Variants in ZNF331 observed in about 807,000 individuals in gnomAD.
The protein encoded by ZNF331 is zinc finger protein 331.
A neutral mutation model predicts 7.0 loss-of-function variants in ZNF331; 2 were observed. The observed-to-expected ratio is 0.29, with a 90% CI of 0.12 to 0.90. The LOEUF is 0.90. ZNF331 is among the 40% of genes least tolerant of loss of function. The pLI is 0.58. For synonymous variants in ZNF331, 196 were observed against 205.4 expected (o/e 0.95, Z 0.39); for missense variants, 432 against 587.7 (o/e 0.74, Z 2.74).
intron 3 of ZNF331, among the ~76,000 whole-genome samples, chr19:53,564,456 T>C (rs1016871434): frequency 1.3e-5 from 2 of 151,916 alleles, no homozygotes; most frequent in Non-Finnish European, 2.9e-5. Flanking sequence ...ATTTTTGTGT[T>C]TTTAGTAGAG....
rs2089790002 is a variant in ZNF331, at chr19:53,560,198, C to T, written c.-74+4290C>T. Among the ~76,000 whole-genome samples, 1 of 150,754 alleles carries T rather than the reference C, an allele frequency of 6.6e-6. No homozygotes were observed. Among genetic ancestry groups the T allele is most frequent in the African/African-American group, 2.4e-5 (1 of 41,180 alleles). On this transcript the variant is annotated intron_variant, in intron 3 of 5. Coordinates refer to ENST00000449416, the MANE Select transcript of ZNF331 (RefSeq NM_001079906.2). The surrounding 1 kb of genome is among the most constrained non-coding windows in gnomAD (Gnocchi z 4.3). ...CACACACCATACACACACATATATA[C>T]ACACACCATATATATACACACATAT...
chr19:53,529,668 AT>A (rs1239284379), intron 2 of ZNF331, among the ~76,000 whole-genome samples: 1 of 149,998 alleles, frequency 6.7e-6, no homozygotes, highest in Non-Finnish European at 1.5e-5. Context: ...TGTCCTTCAG[AT>A]AAATTTTGAA....
chr19:53,568,052 C>A (rs1047170507), intron 3 of ZNF331, among the ~76,000 whole-genome samples: 1 of 151,970 alleles, frequency 6.6e-6, no homozygotes, highest in Non-Finnish European at 1.5e-5. Flanking sequence ...AGTTTGAGAC[C>A]AGCCTGGCCA....
At chr19:53,527,034 C>T (rs946830011) in intron 2 of ZNF331, among the ~76,000 whole-genome samples, 1 of 151,646 alleles carries the variant, frequency 6.6e-6, no homozygotes, top group Non-Finnish European at 1.5e-5. Flanking sequence ...ACTAAAAATA[C>T]AAAAATTAGC....
chr19:53,506,437 T>C, the ZNF331 span, among the ~76,000 whole-genome samples: 1 of 70,954 alleles, frequency 1.4e-5, no homozygotes, highest in African/African-American at 5.0e-5. Flanking sequence ...TCTCTCTCTC[T>C]CTCTCTGTCT....
At chr19:53,548,555 C>A (rs1005417538) in intron 2 of ZNF331, among the ~76,000 whole-genome samples, 1 of 152,220 alleles carries the variant, frequency 6.6e-6, no homozygotes, top group South Asian at 2.1e-4. Context: ...CCATGCCAAG[C>A]CCTATTTTGG....
chr19:53,519,605 C>A (rs371615549), upstream of ZNF331, among the ~76,000 whole-genome samples: 169 of 152,306 alleles, frequency 1.1e-3, no homozygotes, highest in African/African-American at 3.8e-3. Flanking sequence ...AATATCCTGC[C>A]GGGCAGCAAG....
the ZNF331 span, chr19:53,512,037 GTCTT>G: frequency 2.0e-5 from 3 of 152,378 alleles, no homozygotes; most frequent in African/African-American, 7.2e-5. Context: ...GAAGGGGCAG[GTCTT>G]TCTTCTGACT....
chr19:53,503,237 C>T, the ZNF331 span, among the ~76,000 whole-genome samples: 5 of 152,100 alleles, frequency 3.3e-5, no homozygotes, highest in African/African-American at 7.2e-5. Flanking sequence ...GGCGGGATCT[C>T]GGCTCGCTGC....
rs751063896 is a variant in ZNF331 at position 53,577,066 on chromosome 19, G to A, written c.506G>A (p.Arg169His). 10 of 1,613,924 alleles carry A rather than the reference G, an allele frequency of 6.2e-6. No individual in the cohort carries two copies. The highest frequency in any genetic ancestry group is 8.5e-6 in the Non-Finnish European group (10 of 1,180,018). ...YECKECKKAF[R>H]WGNQLTQHQK... ...TGTAAAGAATGTAAGAAGGCCTTCC[G>A]TTGGGGCAATCAGCTTACTCAACAT... Residue 169 changes from arginine (R) to histidine (H), a missense_variant, in exon 6 of 6, where the codon CGT (arginine) becomes CAT (histidine). By Grantham distance (29) the Arg-to-His change is conservative (BLOSUM62 0). Coordinates refer to ENST00000449416, the MANE Select transcript of ZNF331 (RefSeq NM_001079906.2).
Position 53,531,107 on chromosome 19 carries a change from T to G in ZNF331, c.-204-8109T>G, listed in dbSNP as rs865773809. On this transcript the variant is annotated intron_variant, in intron 2 of 6. Transcript: ENST00000253144. ...CTAGAAAGACCCTAGCTTCTCAGTCTTATCCTCCTCTTTCCCCTAAACCAA... is the reference window on the plus strand; with the variant it reads ...CTAGAAAGACCCTAGCTTCTCAGTCGTATCCTCCTCTTTCCCCTAAACCAA... 7.2e-5 allele frequency among the ~76,000 whole-genome samples: 11 copies of G among 152,274 alleles called. No individual in the cohort carries two copies. In the South Asian group the frequency reaches 1.7e-3, roughly 23 times the overall value.
At chr19:53,563,846 G>A (rs2090015872) in intron 3 of ZNF331, 1 of 151,758 alleles carries the variant, frequency 6.6e-6, no homozygotes, top group Non-Finnish European at 1.5e-5. Flanking sequence ...AGAGCTGCCA[G>A]GTGCGGTGGC....
rs1172616524 is a variant in ZNF331 at position 53,578,519 on chromosome 19, G to A, written c.*567G>A. ...CAATTGTTCTATTTTGTTAGTTACTGTTGGTAATCTCTTACTGTGCCTAAT... is the reference window on the plus strand; with the variant it reads ...CAATTGTTCTATTTTGTTAGTTACTATTGGTAATCTCTTACTGTGCCTAAT... On this transcript the variant is annotated 3_prime_UTR_variant, in exon 6 of 6. Coordinates refer to ENST00000449416, the MANE Select transcript of ZNF331 (RefSeq NM_001079906.2). 2 of 220,462 alleles carry A rather than the reference G, an allele frequency of 9.1e-6. No homozygotes were observed. Among genetic ancestry groups the A allele is most frequent in the Non-Finnish European group, 1.8e-5 (2 of 110,372 alleles). The allele number at this position is 220,462 out of a possible 1,614,324, so 13.7% of individuals were successfully genotyped here.
chr19:53,535,797 T>C (rs1168037106), upstream of ZNF331, among the ~76,000 whole-genome samples: 2 of 151,104 alleles, frequency 1.3e-5, no homozygotes, highest in African/African-American at 4.9e-5. Flanking sequence ...GTTTAAAATG[T>C]TCACTTTTTT....
chr19:53,546,887 G>A (rs1396997705), intron 2 of ZNF331, among the ~76,000 whole-genome samples: 2 of 152,152 alleles, frequency 1.3e-5, no homozygotes, highest in African/African-American at 4.8e-5. Context: ...TTCCCCGTTT[G>A]TGTGAACTGT....
chr19:53,508,822 T>G, the ZNF331 span, among the ~76,000 whole-genome samples: 1 of 152,206 alleles, frequency 6.6e-6, no homozygotes, highest in Non-Finnish European at 1.5e-5. Context: ...CTGTTTCACC[T>G]TGCTCTTAGG....
chr19:53,506,486 G>GTCTC, the ZNF331 span, among the ~76,000 whole-genome samples: 418 of 68,556 alleles, frequency 6.1e-3, 3 homozygotes, highest in Middle Eastern at 0.011. Flanking sequence ...CTCTCTGTCT[G>GTCTC]TCTCTCTCTC....
intron 2 of ZNF331, among the ~76,000 whole-genome samples, chr19:53,542,757 CTGAA>C (rs1418974854): frequency 2.0e-5 from 3 of 152,134 alleles, no homozygotes; most frequent in Non-Finnish European, 4.4e-5. Context: ...ACATCAGACT[CTGAA>C]TGTTATTTTT....
At chr19:53,514,803 A>C (rs2086864190), upstream of ZNF331, among the ~76,000 whole-genome samples, 1 of 151,712 alleles carries the variant, frequency 6.6e-6, no homozygotes, top group South Asian at 2.1e-4. Context: ...GAAGCCCGCC[A>C]CCACGCCCGG....
Sources: allele counts gnomAD v4.1 joint callset (sites outside exome capture counted in the v4.1 genomes callset), GRCh38; gene constraint gnomAD v4.1.1; non-coding constraint Gnocchi (gnomAD v3.1); transcripts MANE v1.5; gene names NCBI Gene and HGNC (gene_info 2026-07-23, HGNC 2026-07-21).